Variants in RHD observed in about 807,000 individuals in gnomAD.
The protein encoded by RHD is Rh blood group D antigen.
A neutral mutation model predicts 45.5 loss-of-function variants in RHD; 16 were observed. The observed-to-expected ratio is 0.35, with a 90% CI of 0.24 to 0.53. The LOEUF (loss-of-function observed/expected upper bound fraction) is 0.53. Among genes scored for constraint, RHD ranks in the 20% least tolerant of loss-of-function variants. RHD has a pLI of 0.92. For synonymous variants in RHD, 131 were observed against 217.5 expected (o/e 0.60, Z 3.50); for missense variants, 306 against 532.0 (o/e 0.58, Z 4.18).
At position 25,307,701 on chromosome 1, in the gene RHD, G is replaced by C; in HGVS notation, c.1073+972G>C. 4.6e-6 allele frequency: 6 copies of C among 1,308,282 alleles called. 1 individual carries two copies. The South Asian group carries it at 6.4e-5, about 14-fold the overall frequency. 81.0% of individuals were successfully genotyped at this position (1,308,282 alleles called of 1,614,324 possible). On this transcript the variant is annotated intron_variant, in intron 7 of 9. Transcript: ENST00000328664. ...TGGCTGAAGCAGGTGATGAGGAGCT[G>C]ATGCGTTTGGACGTGTCTCAGAGAA... is the stretch of plus-strand genomic sequence containing the variant.
chr1:25,286,582 C>G lies in RHD; in HGVS notation c.335+1823C>G, dbSNP rs1267069585. On this transcript the variant is annotated intron_variant, in intron 2 of 9. Transcript: ENST00000328664. ...CGGGGGGATCATGAGGTCAGGAGATCGAGACCATCCTGGCTAACTCGGAGA... is the reference window on the plus strand; with the variant it reads ...CGGGGGGATCATGAGGTCAGGAGATGGAGACCATCCTGGCTAACTCGGAGA... Among the ~76,000 whole-genome samples the G allele has an allele frequency of 1.0e-3, 136 of 134,004 alleles. 13 individuals carry two copies. The highest frequency in any genetic ancestry group is 2.5e-3 in the African/African-American group (96 of 38,598). 87.9% of individuals were successfully genotyped at this position (134,004 alleles called of 152,430 possible). A position where few individuals can be genotyped will look rare whatever the true frequency, so the allele number is the denominator to read the frequency against.
intron 7 of RHD, among the ~76,000 whole-genome samples, chr1:25,316,635 A>AAG (rs1262488729): frequency 1.6e-4 from 19 of 119,512 alleles, no homozygotes; most frequent in African/African-American, 3.9e-4. Flanking sequence ...AAAAAAAAAA[A>AAG]AGAGAGAGAG....
chr1:25,311,175 C>T (rs575653635), intron 7 of RHD, among the ~76,000 whole-genome samples: 1 of 131,578 alleles, frequency 7.6e-6, no homozygotes, highest in African/African-American at 2.6e-5. Flanking sequence ...TGAAGAACCA[C>T]GTGTTGGAAA....
Position 25,272,555 on chromosome 1 carries a change from C to A in RHD, c.8C>A (p.Ser3Tyr). The A allele has an allele frequency of 6.3e-7, 1 of 1,580,632 alleles. No individual in the cohort carries two copies. The highest frequency in any genetic ancestry group is 1.4e-5 in the African/African-American group (1 of 72,736). MS[S>Y]KYPRSVRRCL... ...CACAGAGACGGACACAGGATGAGCTCTAAGTACCCGCGGTCTGTCCGGCGC... is the reference window on the plus strand; with the variant it reads ...CACAGAGACGGACACAGGATGAGCTATAAGTACCCGCGGTCTGTCCGGCGC... Residue 3 changes from serine (S) to tyrosine (Y), a missense_variant, in exon 1 of 10, where the codon TCT becomes TAT. By Grantham distance (144) the Ser-to-Tyr change is moderately radical. Coordinates refer to ENST00000328664, the MANE Select transcript of RHD (RefSeq NM_016124.6).
rs749497703 is a variant in RHD, at chr1:25,319,213, T to G, written c.1153+2134T>G. 5.3e-5 allele frequency among the ~76,000 whole-genome samples: 7 copies of G among 132,500 alleles called. 1 individual carries two copies. Among genetic ancestry groups the G allele is most frequent in the Non-Finnish European group, 8.9e-5 (5 of 55,918 alleles). The allele number at this position is 132,500 out of a possible 152,430, so 86.9% of individuals were successfully genotyped here. A position where few individuals can be genotyped will look rare whatever the true frequency, so the allele number is the denominator to read the frequency against. ...AAAGTACCAGGAGGTCTTTTCTTATTCTTCACTGGAGTCAAAAAAGAGAAT... is the reference window on the plus strand; with the variant it reads ...AAAGTACCAGGAGGTCTTTTCTTATGCTTCACTGGAGTCAAAAAAGAGAAT... On this transcript the variant is annotated intron_variant, in intron 8 of 9. Coordinates refer to ENST00000328664, the MANE Select transcript of RHD (RefSeq NM_016124.6).
At chr1:25,288,571 G>A (rs1396018238) in intron 2 of RHD, among the ~76,000 whole-genome samples, 2 of 125,554 alleles carry the variant, frequency 1.6e-5, no homozygotes, top group East Asian at 2.0e-4. Flanking sequence ...TGTGCTTGAC[G>A]TATATCAACT....
intron 6 of RHD, among the ~76,000 whole-genome samples, chr1:25,303,667 T>A (rs1226551736): frequency 1.5e-5 from 2 of 131,646 alleles, no homozygotes; most frequent in East Asian, 3.9e-4. Flanking sequence ...CCATTTGAGC[T>A]TGCTTGGGCA....
chr1:25,281,140 C>A (rs1641458972), intron 1 of RHD, among the ~76,000 whole-genome samples: 1 of 132,732 alleles, frequency 7.5e-6, no homozygotes. Flanking sequence ...GAGCTAGAGA[C>A]AGCCTAGCCT....
chr1:25,307,563 T>A lies in RHD; in HGVS notation c.1073+834T>A, dbSNP rs533259246. ...ATTGTGCTAGAAACCATTATATGCATTATCTCCTTGAATTCTCACAACCGC... is the reference window on the plus strand; with the variant it reads ...ATTGTGCTAGAAACCATTATATGCAATATCTCCTTGAATTCTCACAACCGC... On this transcript the variant is annotated intron_variant, in intron 7 of 9. Transcript: ENST00000328664. 93 of 610,670 alleles carry A rather than the reference T, an allele frequency of 1.5e-4. 20 individuals carry two copies. The highest frequency in any genetic ancestry group is 1.4e-3 in the African/African-American group (73 of 53,604). The allele number at this position is 610,670 out of a possible 1,614,324, so 37.8% of individuals were successfully genotyped here. A position where few individuals can be genotyped will look rare whatever the true frequency, so the allele number is the denominator to read the frequency against.
In RHD at chr1:25,291,720, C is replaced by T. The variant is rs1193592351; in HGVS notation, c.486+929C>T. On this transcript the variant is annotated intron_variant, in intron 3 of 9. Transcript: ENST00000328664. ...AGCCAGCATCTTCTTTCAGTCAGTG[C>T]GTGTCAGTAACTGCATATGTCCTCT... Among the ~76,000 whole-genome samples the T allele has an allele frequency of 2.3e-4, 31 of 132,468 alleles. 5 individuals are homozygous for T. The highest frequency in any genetic ancestry group is 7.2e-4 in the African/African-American group (28 of 38,816). 86.9% of individuals were successfully genotyped at this position (132,468 alleles called of 152,430 possible).
intron 3 of RHD, among the ~76,000 whole-genome samples, chr1:25,298,986 T>G (rs1643158987): frequency 8.4e-6 from 1 of 119,262 alleles, no homozygotes; most frequent in South Asian, 2.6e-4. Context: ...GCCATATGGG[T>G]ACCTGAGAAC....
chr1:25,312,089 AGG>A lies in RHD; in HGVS notation c.1074-4908_1074-4907del, dbSNP rs765914618. ...CATGGGCAGAACCCAGCAAAACCAC[AGG>A]GGCAGAGCTCCCCGAAGCTTCGGGG... On this transcript the variant is annotated intron_variant, in intron 7 of 9. Coordinates refer to ENST00000328664, the MANE Select transcript of RHD (RefSeq NM_016124.6). 8.1e-5 allele frequency among the ~76,000 whole-genome samples: 8 copies of A among 99,146 alleles called. 1 individual carries two copies. The highest frequency in any genetic ancestry group is 1.7e-4 in the Non-Finnish European group (7 of 41,874). The allele number at this position is 99,146 out of a possible 152,430, so 65.0% of individuals were successfully genotyped here. A position where few individuals can be genotyped will look rare whatever the true frequency, so the allele number is the denominator to read the frequency against.
Position 25,330,357 on chromosome 1 carries a change from T to C in RHD, c.*1433T>C, listed in dbSNP as rs1644976744. ...GTTGTTACTATGGGAAATCTTGTTT[T>C]GCCAATTTTCTTTGAAAATTCTGGC... On this transcript the variant is annotated 3_prime_UTR_variant, in exon 10 of 10. Transcript: ENST00000328664. 7.5e-6 allele frequency: 1 copy of C among 133,038 alleles called. No homozygotes were observed. The highest frequency in any genetic ancestry group is 2.6e-5 in the African/African-American group (1 of 38,998). 8.2% of individuals were successfully genotyped at this position (133,038 alleles called of 1,614,324 possible). A position where few individuals can be genotyped will look rare whatever the true frequency, so the allele number is the denominator to read the frequency against.
rs2124599390 is a variant in RHD, at chr1:25,278,125, C to A, written c.148+5430C>A. ...CTGGTCTGGATGACCTGTGATGAGA[C>A]CAGATGGGCAGGGGCAGTGGAGGAG... On this transcript the variant is annotated intron_variant, in intron 1 of 9. Transcript: ENST00000328664. Among the ~76,000 whole-genome samples the A allele has an allele frequency of 5.4e-5, 7 of 129,418 alleles. 1 individual carries two copies. The highest frequency in any genetic ancestry group is 1.8e-4 in the African/African-American group (7 of 38,084). 84.9% of individuals were successfully genotyped at this position (129,418 alleles called of 152,430 possible). A position where few individuals can be genotyped will look rare whatever the true frequency, so the allele number is the denominator to read the frequency against.
intron 7 of RHD, among the ~76,000 whole-genome samples, chr1:25,312,327 C>A (rs1030972701): frequency 9.8e-6 from 1 of 102,034 alleles, no homozygotes; most frequent in Non-Finnish European, 2.4e-5. Flanking sequence ...CTTGTTTTGA[C>A]TTTACAGGCT....
At position 25,288,069 on chromosome 1, in the gene RHD, G is replaced by T. The variant is rs1446955668; in HGVS notation, c.336-2572G>T. On this transcript the variant is annotated intron_variant, in intron 2 of 9. Coordinates refer to ENST00000328664, the MANE Select transcript of RHD (RefSeq NM_016124.6). Reference sequence around the variant, plus strand: ...GTCTCACTCTGTTGTCCAGGCTGGAGTGAAGTGGCATGTTCATGGCTCACT... The same window carrying T: ...GTCTCACTCTGTTGTCCAGGCTGGATTGAAGTGGCATGTTCATGGCTCACT... Among the ~76,000 whole-genome samples, 3 of 132,874 alleles carry T rather than the reference G, an allele frequency of 2.3e-5. 1 individual carries two copies. Among genetic ancestry groups the T allele is most frequent in the African/African-American group, 7.7e-5 (3 of 38,954 alleles). 87.2% of individuals were successfully genotyped at this position (132,874 alleles called of 152,430 possible).
intron 7 of RHD, among the ~76,000 whole-genome samples, chr1:25,313,544 G>T (rs1644276195): frequency 7.6e-6 from 1 of 131,976 alleles, no homozygotes; most frequent in Non-Finnish European, 1.8e-5. Flanking sequence ...ATTTATAAAG[G>T]TGACTGAGTG....
intron 2 of RHD, among the ~76,000 whole-genome samples, chr1:25,285,696 A>T (rs1368631858): frequency 7.4e-6 from 1 of 135,366 alleles, no homozygotes; most frequent in Non-Finnish European, 1.8e-5. Flanking sequence ...CTGGGTGATG[A>T]TTACACATCA....
chr1:25,295,777 G>A (rs1642882316), intron 3 of RHD, among the ~76,000 whole-genome samples: 1 of 108,344 alleles, frequency 9.2e-6, no homozygotes, highest in African/African-American at 3.0e-5. Flanking sequence ...AGAGTGTGAT[G>A]GCATCTTCTT....
Sources: gnomAD v4.1 joint callset for allele counts (sites outside exome capture counted in the v4.1 genomes callset) on GRCh38, gnomAD v4.1.1 for gene constraint, MANE v1.5 for transcripts, NCBI Gene and HGNC (gene_info 2026-07-23, HGNC 2026-07-21) for gene names.